The following CTNNA3 variants were observed in gnomAD, a reference collection of about 807,000 sequenced individuals.
CTNNA3 encodes the protein catenin alpha 3.
A neutral mutation model predicts 95.7 loss-of-function variants in CTNNA3; 76 were observed. The ratio of observed to expected loss-of-function variants is 0.79; its 90% confidence interval spans 0.66 to 0.96. The LOEUF is 0.96. Among genes scored for constraint, CTNNA3 ranks in the 40% least tolerant of loss-of-function variants. The pLI is 0.00. For synonymous variants in CTNNA3, 431 were observed against 374.4 expected, an observed-to-expected ratio of 1.15 and a Z score of -1.74; for missense variants, 1,191 against 1,089.8, an observed-to-expected ratio of 1.09 and a Z score of -1.31.
intron 13 of CTNNA3, among the ~76,000 whole-genome samples, chr10:66,104,252 C>G (rs1350838001): frequency 6.6e-6 from 1 of 152,102 alleles, no homozygotes; most frequent in African/African-American, 2.4e-5. Context: ...TGTTTCCTAG[C>G]CCCCTCTACT....
chr10:66,633,484 T>G lies in CTNNA3; in HGVS notation c.1282-11700A>C, dbSNP rs550041198. ...TCACGAGGTCAGGAGATCAAGACCA[T>G]CCTGGCTAACATGGTGAAACCCCGT... On this transcript the variant is annotated intron_variant, in intron 9 of 17. Coordinates refer to ENST00000433211, the MANE Select transcript of CTNNA3 (RefSeq NM_013266.4). Among the ~76,000 whole-genome samples the G allele has an allele frequency of 2.7e-4, 41 of 152,050 alleles. No homozygotes were observed. In the South Asian group the frequency reaches 7.3e-3, roughly 27 times the overall value.
intron 5 of CTNNA3, among the ~76,000 whole-genome samples, chr10:67,391,526 C>A (rs1395560993): frequency 5.7e-4 from 87 of 151,872 alleles, no homozygotes; most frequent in Middle Eastern, 3.4e-3. Flanking sequence ...GCTACCAATG[C>A]CTTTCTTCAC....
chr10:67,737,000 G>A (rs1841306603), intron 1 of CTNNA3, among the ~76,000 whole-genome samples: 2 of 151,888 alleles, frequency 1.3e-5, no homozygotes, highest in Non-Finnish European at 2.9e-5. Flanking sequence ...GTCTCACACT[G>A]TCACCCAGCC....
At chr10:67,117,340 C>T (rs567770406) in intron 7 of CTNNA3, among the ~76,000 whole-genome samples, 2 of 152,058 alleles carry the variant, frequency 1.3e-5, no homozygotes, top group South Asian at 4.2e-4. Flanking sequence ...GCGATAGCTT[C>T]GCTGATGAAT....
intron 3 of CTNNA3, among the ~76,000 whole-genome samples, chr10:67,567,647 G>A (rs945374116): frequency 2.6e-5 from 4 of 152,058 alleles, no homozygotes; most frequent in African/African-American, 9.7e-5. Context: ...GCAGTCTAAT[G>A]TCTATAGCCT....
intron 5 of CTNNA3, among the ~76,000 whole-genome samples, chr10:67,285,084 G>A (rs372372033): frequency 6.6e-6 from 1 of 152,116 alleles, no homozygotes; most frequent in African/African-American, 2.4e-5. Flanking sequence ...TCATTTCTCT[G>A]AGCTATCATG....
chr10:66,873,221 C>T (rs1844482616), intron 7 of CTNNA3, among the ~76,000 whole-genome samples: 1 of 152,074 alleles, frequency 6.6e-6, no homozygotes, highest in African/African-American at 2.4e-5. Flanking sequence ...CATGAAATTG[C>T]TGGTTCAAAT....
chr10:67,374,206 C>T (rs532111636), intron 5 of CTNNA3, among the ~76,000 whole-genome samples: 55 of 152,272 alleles, frequency 3.6e-4, no homozygotes, highest in African/African-American at 1.3e-3. Flanking sequence ...TTACTCAACT[C>T]TGCTTTTATG....
intron 5 of CTNNA3, among the ~76,000 whole-genome samples, chr10:67,312,423 G>A (rs745662650): frequency 6.6e-6 from 1 of 152,136 alleles, no homozygotes; most frequent in African/African-American, 2.4e-5. Context: ...GCTTTCAGTG[G>A]AGGTCCCATT....
intron 7 of CTNNA3, among the ~76,000 whole-genome samples, chr10:67,103,397 T>G (rs1030484281): frequency 1.3e-5 from 2 of 151,750 alleles, no homozygotes; most frequent in Non-Finnish European, 3.0e-5. Flanking sequence ...GAGAGGCATA[T>G]CTGAAAAGTC....
chr10:66,677,274 G>A (rs1564612358), intron 9 of CTNNA3, among the ~76,000 whole-genome samples: 1 of 152,022 alleles, frequency 6.6e-6, no homozygotes, highest in African/African-American at 2.4e-5. Flanking sequence ...ACACACTAAA[G>A]GAGTGCTTCT....
At chr10:66,341,616 A>G (rs1348329381) in intron 12 of CTNNA3, among the ~76,000 whole-genome samples, 1 of 151,934 alleles carries the variant, frequency 6.6e-6, no homozygotes, top group Non-Finnish European at 1.5e-5. Context: ...TTTATGCACA[A>G]TTGCTTGGTG....
intron 11 of CTNNA3, among the ~76,000 whole-genome samples, chr10:66,448,221 T>C (rs1476467484): frequency 1.3e-5 from 2 of 152,158 alleles, no homozygotes; most frequent in South Asian, 2.1e-4. Context: ...ACTTTTACAC[T>C]GTTGGTGGGA....
intron 11 of CTNNA3, among the ~76,000 whole-genome samples, chr10:66,504,365 C>T (rs117146951): frequency 6.6e-5 from 10 of 152,230 alleles, no homozygotes; most frequent in Admixed American, 2.6e-4. Context: ...AGGTTTTTAC[C>T]GGTTTGTTAA....
chr10:66,089,434 C>G (rs988060653), intron 14 of CTNNA3, among the ~76,000 whole-genome samples: 1 of 151,076 alleles, frequency 6.6e-6, no homozygotes, highest in African/African-American at 2.4e-5. Context: ...TTCCTTCCTT[C>G]TATATACTTT....
chr10:67,174,890 T>G (rs537113822), intron 7 of CTNNA3, among the ~76,000 whole-genome samples: 1 of 152,138 alleles, frequency 6.6e-6, no homozygotes. Flanking sequence ...TAGGATACTA[T>G]TTATTTCTTT....
intron 5 of CTNNA3, among the ~76,000 whole-genome samples, chr10:67,515,068 G>T (rs563370056): frequency 6.6e-6 from 1 of 152,078 alleles, no homozygotes; most frequent in Non-Finnish European, 1.5e-5. Flanking sequence ...TAGTTATCAT[G>T]ACCATTAACT....
rs148662345 is a variant in CTNNA3, at chr10:66,310,396, G to T, written c.1733-29775C>A. On this transcript the variant is annotated intron_variant, in intron 12 of 17. Coordinates refer to ENST00000433211, the MANE Select transcript of CTNNA3 (RefSeq NM_013266.4). Reference sequence around the variant, plus strand: ...CCTAGCTCTCCTAATTCTAAATTTAGTTCAGTACCCCACGATCCATTTCTG... The same window carrying T: ...CCTAGCTCTCCTAATTCTAAATTTATTTCAGTACCCCACGATCCATTTCTG... 1.5e-4 allele frequency among the ~76,000 whole-genome samples: 23 copies of T among 152,152 alleles called. 1 individual carries two copies. In the East Asian group the frequency reaches 4.3e-3, roughly 28 times the overall value.
At chr10:66,942,602 G>A (rs920535344) in intron 7 of CTNNA3, among the ~76,000 whole-genome samples, 16 of 151,560 alleles carry the variant, frequency 1.1e-4, no homozygotes, top group Non-Finnish European at 2.4e-4. Flanking sequence ...GTGTGTGTGT[G>A]TCTGCGTGTG....
Sources: allele counts gnomAD v4.1 joint callset (sites outside exome capture counted in the v4.1 genomes callset), GRCh38; gene constraint gnomAD v4.1.1; transcripts MANE v1.5; gene names NCBI Gene and HGNC (gene_info 2026-07-23, HGNC 2026-07-21).